KAZN: variants seen among roughly 807,000 people sequenced by gnomAD.
KAZN encodes the protein kazrin, periplakin interacting protein.
A neutral mutation model predicts 87.4 loss-of-function variants in KAZN; 40 were observed. The observed-to-expected ratio is 0.46, with a 90% CI of 0.36 to 0.60. The LOEUF is 0.60. Ranked by LOEUF, KAZN falls within the 20% of genes least tolerant of loss-of-function variation. The probability of loss-of-function intolerance (pLI) is 0.00; values close to 1 mark genes in which losing one functional copy is unlikely to be tolerated. For synonymous variants in KAZN, 466 were observed against 458.3 expected, an observed-to-expected ratio of 1.02 and a Z score of -0.22; for missense variants, 898 against 1,073.9, an observed-to-expected ratio of 0.84 and a Z score of 2.29.
chr1:14,462,102 C>G (rs1667889152), intron 2 of KAZN, among the ~76,000 whole-genome samples: 1 of 151,024 alleles, frequency 6.6e-6, no homozygotes, highest in Non-Finnish European at 1.5e-5. Context: ...AAAGTCTCCT[C>G]TTGGGAAAGC....
intron 1 of KAZN, among the ~76,000 whole-genome samples, chr1:14,074,165 T>G (rs377727088): frequency 1.3e-5 from 2 of 152,170 alleles, no homozygotes; most frequent in Non-Finnish European, 2.9e-5. Context: ...AAGTGAAATA[T>G]GTTCCATCCC....
At chr1:15,084,299 C>A (rs1640146734) in intron 8 of KAZN, among the ~76,000 whole-genome samples, 1 of 152,184 alleles carries the variant, frequency 6.6e-6, no homozygotes, top group South Asian at 2.1e-4. Context: ...AGGCCATGCA[C>A]AGCAGTGCCA....
chr1:14,121,245 G>A (rs1644745612), intron 1 of KAZN, among the ~76,000 whole-genome samples: 1 of 152,162 alleles, frequency 6.6e-6, no homozygotes. Flanking sequence ...CCAGGGAAAG[G>A]TGTGATATGC....
At chr1:14,463,391 T>C (rs1244135151) in intron 2 of KAZN, among the ~76,000 whole-genome samples, 1 of 152,174 alleles carries the variant, frequency 6.6e-6, no homozygotes, top group African/African-American at 2.4e-5. Flanking sequence ...GGGTCTCCTA[T>C]CTCACTTTAA....
intron 1 of KAZN, among the ~76,000 whole-genome samples, chr1:14,689,393 T>C (rs1008716907): frequency 5.3e-5 from 8 of 152,128 alleles, no homozygotes; most frequent in African/African-American, 1.9e-4. Context: ...CGCTCCTGAT[T>C]GTAGAAGAGG....
In KAZN at chr1:14,132,174, T is replaced by G. The variant is rs937602374; in HGVS notation, c.92-48261T>G. Among the ~76,000 whole-genome samples, 6 of 152,158 alleles carry G rather than the reference T, an allele frequency of 3.9e-5. No individual in the cohort carries two copies. The South Asian group carries it at 1.2e-3, about 31-fold the overall frequency. On this transcript the variant is annotated intron_variant, in intron 1 of 16. Transcript: ENST00000636203. ...GAATGCCCCCTAGAAGGACAAGATG[T>G]GATGGCTCATTGACACCCCATCTCC...
chr1:14,365,003 A>G (rs890955352), intron 2 of KAZN, among the ~76,000 whole-genome samples: 3 of 150,856 alleles, frequency 2.0e-5, no homozygotes, highest in Non-Finnish European at 4.4e-5. Flanking sequence ...TTGACGTCCC[A>G]AAGTGCTGGA....
chr1:14,756,864 A>G lies in KAZN; in HGVS notation c.226+157641A>G, dbSNP rs550867105. 2.0e-5 allele frequency among the ~76,000 whole-genome samples: 3 copies of G among 152,202 alleles called. No homozygotes were observed. In the South Asian group the frequency reaches 6.2e-4, roughly 32 times the overall value. On this transcript the variant is annotated intron_variant, in intron 1 of 14. Coordinates refer to ENST00000376030, the MANE Select transcript of KAZN (RefSeq NM_201628.3). The stretch of plus-strand genomic sequence containing the variant: ...CACATTTCAGTGCTGGAAAGAGGAG[A>G]AAAAAAAGCAACAGAACAAAACCTT...
In KAZN at chr1:14,536,776, G is replaced by A. The variant is rs189423579; in HGVS notation, c.250-62207G>A. On this transcript the variant is annotated intron_variant, in intron 2 of 16. Transcript: ENST00000636203. Reference sequence around the variant, plus strand: ...GCATGCCTGTAGTCCCAGCTACTTCGGAGGCTGAGGCAGGAGAATCACTTG... The same window carrying A: ...GCATGCCTGTAGTCCCAGCTACTTCAGAGGCTGAGGCAGGAGAATCACTTG... Among the ~76,000 whole-genome samples, 453 of 152,178 alleles carry A rather than the reference G, an allele frequency of 3.0e-3. 1 individual carries two copies. The highest frequency in any genetic ancestry group is 0.01 in the African/African-American group (425 of 41,522).
At chr1:13,957,134 A>T (rs1387417477) in intron 1 of KAZN, among the ~76,000 whole-genome samples, 1 of 152,198 alleles carries the variant, frequency 6.6e-6, no homozygotes, top group Non-Finnish European at 1.5e-5. Context: ...ATCCCGGAGA[A>T]GGTTATGAAT....
intron 2 of KAZN, among the ~76,000 whole-genome samples, chr1:14,312,567 A>T (rs1456866833): frequency 1.3e-5 from 2 of 152,130 alleles, no homozygotes; most frequent in Non-Finnish European, 2.9e-5. Context: ...TGCATTCATT[A>T]TTTTTCTAAT....
rs541874932 is a variant in KAZN, at chr1:14,627,790, C to A, written c.226+28567C>A. On this transcript the variant is annotated intron_variant, in intron 1 of 14. Transcript: ENST00000376030. ...AAACAACCAGCTAAGTTTAGAGAAG[C>A]TCCACACCTAGGCCTGATTTGCATT... Among the ~76,000 whole-genome samples, 10 of 152,330 alleles carry A rather than the reference C, an allele frequency of 6.6e-5. No individual in the cohort carries two copies. In the South Asian group the frequency reaches 2.1e-3, roughly 32 times the overall value.
chr1:14,570,127 T>A (rs1674776457), intron 2 of KAZN, among the ~76,000 whole-genome samples: 2 of 151,662 alleles, frequency 1.3e-5, no homozygotes, highest in Admixed American at 1.3e-4. Context: ...AAATTAATAA[T>A]AAAAAATTTT....
At chr1:14,594,266 A>C (rs911076276), upstream of KAZN, among the ~76,000 whole-genome samples, 8 of 152,320 alleles carry the variant, frequency 5.3e-5, no homozygotes, top group African/African-American at 1.9e-4. Context: ...GGAGGTGCAT[A>C]CGGCTGTGCT....
At chr1:14,999,068 C>G (rs1308727507) in intron 2 of KAZN, among the ~76,000 whole-genome samples, 1 of 152,184 alleles carries the variant, frequency 6.6e-6, no homozygotes, top group Non-Finnish European at 1.5e-5. Flanking sequence ...CACCTGTGAT[C>G]CCAGCTACTT....
In KAZN at chr1:14,389,597, C is replaced by T. The variant is rs114607616; in HGVS notation, c.249+209005C>T. On this transcript the variant is annotated intron_variant, in intron 2 of 16. Coordinates refer to the KAZN transcript ENST00000636203. ...ATTATGTTAAGTGAAATAAGCCAGG[C>T]ACAGAAAGTCATACTTCACATATTC... 2.9e-3 allele frequency among the ~76,000 whole-genome samples: 442 copies of T among 152,228 alleles called. 1 individual carries two copies. The highest frequency in any genetic ancestry group is 9.7e-3 in the African/African-American group (401 of 41,538).
intron 1 of KAZN, among the ~76,000 whole-genome samples, chr1:14,948,885 G>A (rs1165323625): frequency 6.6e-6 from 1 of 152,136 alleles, no homozygotes; most frequent in Non-Finnish European, 1.5e-5. Context: ...GGCCAGTCAT[G>A]GTGGCTCATG....
chr1:14,914,093 A>T (rs138215859), intron 1 of KAZN, among the ~76,000 whole-genome samples: 1 of 152,300 alleles, frequency 6.6e-6, no homozygotes, highest in African/African-American at 2.4e-5. Flanking sequence ...TCACAGCAAC[A>T]GGGTCACCTG....
At chr1:14,473,167 G>T in intron 2 of KAZN, among the ~76,000 whole-genome samples, 1 of 152,144 alleles carries the variant, frequency 6.6e-6, no homozygotes, top group East Asian at 1.9e-4. Context: ...TCTTTAAAAA[G>T]GGCTGCAAAA....
Sources: gnomAD v4.1 joint callset for allele counts (sites outside exome capture counted in the v4.1 genomes callset) on GRCh38, gnomAD v4.1.1 for gene constraint, MANE v1.5 for transcripts, NCBI Gene and HGNC (gene_info 2026-07-23, HGNC 2026-07-21) for gene names.